HCRTR2: variants seen among roughly 807,000 people sequenced by gnomAD.
HCRTR2 encodes hypocretin receptor 2.
HCRTR2 carries 22 observed loss-of-function variants against 49.0 expected under a neutral mutation model. The ratio of observed to expected loss-of-function variants is 0.45; its 90% CI spans 0.32 to 0.64. The LOEUF is 0.64. Among genes scored for constraint, HCRTR2 ranks in the 30% least tolerant of loss-of-function variants. HCRTR2 has a pLI of 0.04. For missense variants in HCRTR2, 491 were observed against 559.4 expected (o/e 0.88, Z 1.23); for synonymous variants, 236 against 205.3 (o/e 1.15, Z -1.28).
chr6:55,187,357 GAGCCAAGATGA>G (rs1765234305), intron 1 of HCRTR2, among the ~76,000 whole-genome samples: 1 of 138,654 alleles, frequency 7.2e-6, no homozygotes, highest in African/African-American at 2.7e-5. Flanking sequence ...AGGTTGCAGT[GAGCCAAGATGA>G]AGCCACTGCA....
intron 5 of HCRTR2, among the ~76,000 whole-genome samples, chr6:55,278,117 CAGA>C (rs1371114716): frequency 4.6e-5 from 7 of 152,156 alleles, no homozygotes; most frequent in African/African-American, 1.4e-4. Context: ...AATGTCTAAA[CAGA>C]AGAATTCATT....
intron 1 of HCRTR2, among the ~76,000 whole-genome samples, chr6:55,189,841 C>T (rs749752232): frequency 1.3e-4 from 20 of 152,018 alleles, no homozygotes; most frequent in Non-Finnish European, 2.4e-4. Context: ...TTGTCTTATT[C>T]GTTTTTTTCT....
At chr6:55,281,848 TATGAC>T (rs1767196927) in intron 6 of HCRTR2, among the ~76,000 whole-genome samples, 1 of 152,206 alleles carries the variant, frequency 6.6e-6, no homozygotes, top group African/African-American at 2.4e-5. Context: ...TTTGGCTTTG[TATGAC>T]ATAAGTTTCA....
At chr6:55,245,188 G>A (rs1766408405) in intron 1 of HCRTR2, among the ~76,000 whole-genome samples, 1 of 151,594 alleles carries the variant, frequency 6.6e-6, no homozygotes, top group South Asian at 2.1e-4. Context: ...TGGACATAAT[G>A]TGAAAACCAC....
At chr6:55,145,397 T>TG (rs1764565186) in intron 1 of HCRTR2, among the ~76,000 whole-genome samples, 2 of 105,620 alleles carry the variant, frequency 1.9e-5, no homozygotes, top group African/African-American at 7.3e-5. Flanking sequence ...TTCTTTGTTT[T>TG]TTTTTTTGTT....
upstream of HCRTR2, chr6:55,174,064 G>C (rs1290472675): frequency 5.7e-6 from 1 of 173,966 alleles, no homozygotes; most frequent in Non-Finnish European, 1.2e-5. Flanking sequence ...CATATCCACA[G>C]ACTGATGCAT....
At chr6:55,151,673 A>G (rs888399269) in intron 1 of HCRTR2, among the ~76,000 whole-genome samples, 2 of 151,992 alleles carry the variant, frequency 1.3e-5, no homozygotes, top group African/African-American at 4.8e-5. Flanking sequence ...ACGAATCACA[A>G]ATGTTCTTAA....
At chr6:55,283,618 C>T (rs1051017498), downstream of HCRTR2, among the ~76,000 whole-genome samples, 2 of 151,974 alleles carry the variant, frequency 1.3e-5, no homozygotes, top group African/African-American at 4.8e-5. Flanking sequence ...CAAACTTATT[C>T]CCCTGAAAAA....
intron 2 of HCRTR2, among the ~76,000 whole-genome samples, chr6:55,250,244 G>T (rs534426743): frequency 1.4e-4 from 21 of 152,144 alleles, no homozygotes; most frequent in Admixed American, 5.9e-4. Context: ...ACATTTTTTT[G>T]TGTGTGAGGA....
chr6:55,193,718 C>T (rs1765361176), intron 1 of HCRTR2, among the ~76,000 whole-genome samples: 2 of 151,840 alleles, frequency 1.3e-5, no homozygotes, highest in African/African-American at 4.8e-5. Flanking sequence ...GTTTAATTTT[C>T]TACTATTACT....
At chr6:55,276,907 T>C (rs896107357) in intron 4 of HCRTR2, among the ~76,000 whole-genome samples, 4 of 152,202 alleles carry the variant, frequency 2.6e-5, no homozygotes, top group African/African-American at 9.6e-5. Flanking sequence ...CCTGAAAAGC[T>C]ACAGGTAGTT....
downstream of HCRTR2, chr6:55,282,627 A>T: frequency 1.7e-6 from 1 of 600,872 alleles, no homozygotes; most frequent in Non-Finnish European, 2.9e-6. Context: ...ATGATTTCTC[A>T]ACTTTTGATT....
chr6:55,175,189 CA>C (rs1765018282), intron 1 of HCRTR2, among the ~76,000 whole-genome samples: 1 of 151,716 alleles, frequency 6.6e-6, no homozygotes, highest in African/African-American at 2.4e-5. Flanking sequence ...CTGGGTGTTT[CA>C]GGGGGGTTGG....
chr6:55,182,941 G>A (rs1406264321), intron 1 of HCRTR2, among the ~76,000 whole-genome samples: 2 of 152,178 alleles, frequency 1.3e-5, no homozygotes, highest in Non-Finnish European at 2.9e-5. Flanking sequence ...CATAGACTCA[G>A]AACAAGATAA....
chr6:55,245,361 A>AAG (rs1554181898), intron 1 of HCRTR2, among the ~76,000 whole-genome samples: 2 of 133,280 alleles, frequency 1.5e-5, no homozygotes, highest in African/African-American at 5.7e-5. Flanking sequence ...AAGGGAACCG[A>AAG]TGTGTGTGTG....
chr6:55,192,560 G>A (rs1402334581), intron 1 of HCRTR2, among the ~76,000 whole-genome samples: 1 of 152,158 alleles, frequency 6.6e-6, no homozygotes, highest in Non-Finnish European at 1.5e-5. Flanking sequence ...CTGCACTGCA[G>A]CCTGGGTGAC....
chr6:55,214,288 T>C (rs1765748225), intron 1 of HCRTR2, among the ~76,000 whole-genome samples: 1 of 152,150 alleles, frequency 6.6e-6, no homozygotes, highest in African/African-American at 2.4e-5. Flanking sequence ...TTTCTCTGTA[T>C]CAAGCTAGTC....
chr6:55,147,898 T>C (rs1764616247), intron 1 of HCRTR2, among the ~76,000 whole-genome samples: 1 of 147,468 alleles, frequency 6.8e-6, no homozygotes, highest in South Asian at 2.1e-4. Context: ...ATTGTTAGAG[T>C]TTGTTGTTAG....
intron 1 of HCRTR2, among the ~76,000 whole-genome samples, chr6:55,118,922 T>C (rs934534928): frequency 6.6e-6 from 1 of 151,950 alleles, no homozygotes; most frequent in Admixed American, 6.6e-5. Context: ...TTTCTCCTTA[T>C]GCTATTCCTC....
Sources: gnomAD v4.1 joint callset for allele counts (sites outside exome capture counted in the v4.1 genomes callset) on GRCh38, gnomAD v4.1.1 for gene constraint, MANE v1.5 for transcripts, NCBI Gene and HGNC (gene_info 2026-07-23, HGNC 2026-07-21) for gene names.